Variants in CBX5 observed in about 807,000 individuals in gnomAD.
CBX5 encodes chromobox 5.
A neutral mutation model predicts 20.7 loss-of-function variants in CBX5; 7 were observed. The observed-to-expected ratio is 0.34, with a 90% confidence interval of 0.19 to 0.63. The LOEUF is 0.63. Among genes scored for constraint, CBX5 ranks in the 30% least tolerant of loss-of-function variants. The pLI, the probability that CBX5 is intolerant of heterozygous loss-of-function variation, is 0.75. For missense variants in CBX5, 110 were observed against 224.1 expected (o/e 0.49, Z 3.25); for synonymous variants, 78 against 77.0 (o/e 1.01, Z -0.07).
At chr12:54,266,397 CA>C (rs1451781648) in intron 1 of CBX5, among the ~76,000 whole-genome samples, 3 of 151,078 alleles carry the variant, frequency 2.0e-5, no homozygotes, top group African/African-American at 7.3e-5. Context: ...GACTTCATCT[CA>C]AAAAAAATAA....
At position 54,233,220 on chromosome 12, in the gene CBX5, C is replaced by A. The variant is rs1334721577; in HGVS notation, c.*8535G>T. On this transcript the variant is annotated 3_prime_UTR_variant, in exon 5 of 5. Transcript: ENST00000209875. ...GATGAAAATATTCTCTGTAACTAAT[C>A]ATATAGACTCTTGAATTCTTTCCTC... is the stretch of plus-strand genomic sequence containing the variant. The A allele has an allele frequency of 1.3e-5, 2 of 152,176 alleles. No homozygotes were observed. The highest frequency in any genetic ancestry group is 2.4e-5 in the African/African-American group (1 of 41,428). 9.4% of individuals were successfully genotyped at this position (152,176 alleles called of 1,614,324 possible).
At chr12:54,247,410 T>C (rs185473385) in intron 3 of CBX5, among the ~76,000 whole-genome samples, 4 of 152,222 alleles carry the variant, frequency 2.6e-5, no homozygotes, top group Admixed American at 2.6e-4. Context: ...ACTTGAAGTG[T>C]GCTACTCCGA....
At chr12:54,259,749 AAGGTACCTCT>A (rs1943898008) in intron 1 of CBX5, among the ~76,000 whole-genome samples, 1 of 152,234 alleles carries the variant, frequency 6.6e-6, no homozygotes, top group African/African-American at 2.4e-5. Flanking sequence ...GAGAAATTGG[AAGGTACCTCT>A]CTTGGCCTCA....
rs1306773256 is a variant in CBX5, at chr12:54,240,510, A to G, written c.*1245T>C. ...CCAAAGTGCTGGGATTACAGGCGGT[A>G]GCCACTGTGCCTGGCCATGAAAATT... On this transcript the variant is annotated 3_prime_UTR_variant, in exon 5 of 5. Transcript: ENST00000209875. 6.6e-6 allele frequency: 1 copy of G among 152,150 alleles called. No homozygotes were observed. The highest frequency in any genetic ancestry group is 1.5e-5 in the Non-Finnish European group (1 of 68,036). The allele number at this position is 152,150 out of a possible 1,614,324, so 9.4% of individuals were successfully genotyped here. A position where few individuals can be genotyped will look rare whatever the true frequency, so the allele number is the denominator to read the frequency against.
At chr12:54,257,951 CA>C (rs1420387707) in intron 1 of CBX5, 80 of 280,920 alleles carry the variant, frequency 2.8e-4, no homozygotes, top group African/African-American at 1.7e-3. Context: ...TTTCAGATTC[CA>C]AAAGACAAGT....
intron 2 of CBX5, 83 bp from the exon 3 acceptor site, chr12:54,252,310 G>C: frequency 2.2e-6 from 2 of 896,750 alleles, no homozygotes; most frequent in Non-Finnish European, 3.3e-6. Flanking sequence ...ATTTCAAAGA[G>C]GACATTCGGA....
At chr12:54,270,425 C>T (rs1943998627) in intron 1 of CBX5, among the ~76,000 whole-genome samples, 1 of 151,984 alleles carries the variant, frequency 6.6e-6, no homozygotes, top group South Asian at 2.1e-4. Flanking sequence ...ACTGGCAAAC[C>T]ACCACTCCTG....
chr12:54,271,938 A>T (rs1252203993), intron 1 of CBX5: 2 of 152,184 alleles, frequency 1.3e-5, no homozygotes, highest in Non-Finnish European at 2.9e-5. Flanking sequence ...GTTTTATCAG[A>T]TCTTAGGCAT....
chr12:54,236,984 TAAG>T lies in CBX5; in HGVS notation c.*4768_*4770del, dbSNP rs759657613. ...TGGCTACAGAACAGGAATGAAGAGT[TAAG>T]AATAATAAATGCCTAAGTTACAGGG... On this transcript the variant is annotated 3_prime_UTR_variant, in exon 5 of 5. Transcript: ENST00000209875. The T allele has an allele frequency of 8.5e-5, 13 of 152,176 alleles. No homozygotes were observed. The highest frequency in any genetic ancestry group is 1.2e-4 in the Non-Finnish European group (8 of 68,044). The allele number at this position is 152,176 out of a possible 1,614,324, so 9.4% of individuals were successfully genotyped here.
chr12:54,244,844 T>A (rs1943718062), intron 4 of CBX5, among the ~76,000 whole-genome samples: 1 of 152,168 alleles, frequency 6.6e-6, no homozygotes. Context: ...TGCTTTTTGT[T>A]GAGATTATTT....
chr12:54,279,498 C>G (rs1034086726), intron 1 of CBX5, among the ~76,000 whole-genome samples: 1 of 152,162 alleles, frequency 6.6e-6, no homozygotes, highest in African/African-American at 2.4e-5. Context: ...GACTCCCCTT[C>G]CTCACAACCC....
chr12:54,246,248 T>G, intron 3 of CBX5, 33 bp from the exon 4 acceptor site: 1 of 1,510,472 alleles, frequency 6.6e-7, no homozygotes, highest in Non-Finnish European at 9.2e-7. Flanking sequence ...GGTTACAGCT[T>G]GTGGAAAGAG....
chr12:54,257,069 G>A (rs1943868464), intron 2 of CBX5, among the ~76,000 whole-genome samples: 1 of 145,882 alleles, frequency 6.9e-6, no homozygotes, highest in Non-Finnish European at 1.5e-5. Flanking sequence ...TGTTGGCCAG[G>A]CTGGTCTCAA....
chr12:54,276,711 T>C (rs1038075165), intron 1 of CBX5: 1 of 152,200 alleles, frequency 6.6e-6, no homozygotes, highest in Non-Finnish European at 1.5e-5. Flanking sequence ...ATCAGTTCAA[T>C]GGAAATTGAC....
intron 3 of CBX5, among the ~76,000 whole-genome samples, chr12:54,250,959 G>A (rs1266569410): frequency 6.6e-6 from 1 of 150,964 alleles, no homozygotes; most frequent in Non-Finnish European, 1.5e-5. Flanking sequence ...GTGAAACCCC[G>A]TCTCTACTAA....
intron 1 of CBX5, among the ~76,000 whole-genome samples, chr12:54,277,997 C>T (rs1303719201): frequency 1.3e-5 from 2 of 152,080 alleles, no homozygotes; most frequent in Non-Finnish European, 2.9e-5. Context: ...TACAGGAACA[C>T]GAAACTGTGC....
intron 3 of CBX5, among the ~76,000 whole-genome samples, chr12:54,248,022 G>A (rs942638094): frequency 6.6e-6 from 1 of 151,372 alleles, no homozygotes; most frequent in Non-Finnish European, 1.5e-5. Flanking sequence ...TCCATTTTTA[G>A]TAGAGACAGG....
chr12:54,266,052 A>G (rs1471778317), intron 1 of CBX5, among the ~76,000 whole-genome samples: 4 of 150,448 alleles, frequency 2.7e-5, no homozygotes, highest in Non-Finnish European at 5.9e-5. Context: ...GTCTTAAAAA[A>G]AAAAAAAACC....
At chr12:54,264,671 C>T (rs749982474) in intron 1 of CBX5, among the ~76,000 whole-genome samples, 35 of 151,978 alleles carry the variant, frequency 2.3e-4, no homozygotes, top group Non-Finnish European at 4.7e-4. Flanking sequence ...GGCGAAACCC[C>T]ATCTCTACTA....
Sources: allele counts gnomAD v4.1 joint callset (sites outside exome capture counted in the v4.1 genomes callset), GRCh38; gene constraint gnomAD v4.1.1; transcripts MANE v1.5; gene names NCBI Gene and HGNC (gene_info 2026-07-23, HGNC 2026-07-21).